FHIP2A: variants seen among roughly 807,000 people sequenced by gnomAD.
The protein encoded by FHIP2A is family with sequence similarity 160 member B1.
FHIP2A carries 46 observed loss-of-function variants against 93.5 expected under a neutral mutation model. That is an observed-to-expected ratio of 0.49 (90% CI 0.39 to 0.63). The LOEUF is 0.63. Among genes scored for constraint, FHIP2A ranks in the 20% least tolerant of loss-of-function variants. FHIP2A has a pLI of 0.00. For synonymous variants in FHIP2A, 332 were observed against 326.5 expected (o/e 1.02, Z -0.18); for missense variants, 769 against 909.7 (o/e 0.85, Z 1.99).
At chr10:114,892,403 C>G (rs992732685) in intron 16 of FHIP2A, among the ~76,000 whole-genome samples, 16 of 151,944 alleles carry the variant, frequency 1.1e-4, no homozygotes, top group African/African-American at 3.6e-4. Context: ...TCCCAGTGTT[C>G]GAGGTGGGTG....
chr10:114,865,593 C>T (rs2083824499), downstream of FHIP2A, among the ~76,000 whole-genome samples: 1 of 152,106 alleles, frequency 6.6e-6, no homozygotes, highest in Non-Finnish European at 1.5e-5. Context: ...AAATCACCCT[C>T]CTTGCCCTTC....
intron 13 of FHIP2A, among the ~76,000 whole-genome samples, chr10:114,849,127 CAAAAAAAAAA>C (rs34515682): frequency 2.6e-4 from 13 of 50,448 alleles, no homozygotes; most frequent in African/African-American, 9.5e-4. Context: ...GACTCCATCT[CAAAAAAAAAA>C]AAAAAAAAAA....
At chr10:114,880,192 C>A (rs938803645) in intron 16 of FHIP2A, among the ~76,000 whole-genome samples, 2 of 152,094 alleles carry the variant, frequency 1.3e-5, no homozygotes, top group African/African-American at 4.8e-5. Context: ...TTGGGCTTGC[C>A]TAAGGCTGGG....
chr10:114,832,896 T>C (rs2083615839), intron 2 of FHIP2A, among the ~76,000 whole-genome samples: 1 of 151,972 alleles, frequency 6.6e-6, no homozygotes, highest in African/African-American at 2.4e-5. Flanking sequence ...GTATTTTTAG[T>C]AGAGAGGAGG....
chr10:114,871,932 T>C (rs1437888850), intron 16 of FHIP2A, among the ~76,000 whole-genome samples: 1 of 152,178 alleles, frequency 6.6e-6, no homozygotes, highest in Non-Finnish European at 1.5e-5. Context: ...TTTTATTGAC[T>C]CAACTAAGAA....
chr10:114,845,975 A>T (rs761553333), intron 8 of FHIP2A, 38 bp from the exon 9 acceptor site: 1 of 1,486,052 alleles, frequency 6.7e-7, no homozygotes, highest in African/African-American at 1.4e-5. Flanking sequence ...TCTTTCTTTT[A>T]TATTAAAAAA....
chr10:114,864,231 T>C lies in FHIP2A; in HGVS notation c.*2691T>C. 1.0e-6 allele frequency: 1 copy of C among 984,066 alleles called. No individual in the cohort carries two copies. The highest frequency in any genetic ancestry group is 1.2e-6 in the Non-Finnish European group (1 of 828,268). The allele number at this position is 984,066 out of a possible 1,614,324, so 61.0% of individuals were successfully genotyped here. A position where few individuals can be genotyped will look rare whatever the true frequency, so the allele number is the denominator to read the frequency against. Reference sequence around the variant, plus strand: ...ATTATGGAATTACTTCATAAATTCATGGTAATGTTTTCATAAATTATTGCA... The same window carrying C: ...ATTATGGAATTACTTCATAAATTCACGGTAATGTTTTCATAAATTATTGCA... On this transcript the variant is annotated 3_prime_UTR_variant, in exon 17 of 17. Transcript: ENST00000369248.
intron 14 of FHIP2A, among the ~76,000 whole-genome samples, chr10:114,857,651 T>C (rs2083775097): frequency 1.3e-5 from 2 of 152,148 alleles, no homozygotes; most frequent in African/African-American, 4.8e-5. Flanking sequence ...TTTTTCTCTT[T>C]GCAGGGCATT....
chr10:114,822,552 A>G lies in FHIP2A; in HGVS notation c.45+429A>G, dbSNP rs1027419147. Reference sequence around the variant, plus strand: ...AAAGTGGTCAGCGTTGAGCAAGACAAAAGAAACGAGCAAGCACCGCTTGGG... The same window carrying G: ...AAAGTGGTCAGCGTTGAGCAAGACAGAAGAAACGAGCAAGCACCGCTTGGG... On this transcript the variant is annotated intron_variant, in intron 1 of 16. Transcript: ENST00000369248. 3.9e-5 allele frequency among the ~76,000 whole-genome samples: 6 copies of G among 152,222 alleles called. No homozygotes were observed. In the East Asian group the frequency reaches 7.7e-4, roughly 20 times the overall value.
chr10:114,846,467 T>G, intron 10 of FHIP2A, 92 bp from the exon 11 acceptor site: 1 of 1,440,020 alleles, frequency 6.9e-7, no homozygotes. Context: ...TTTTATTGGC[T>G]TTAGAAATTG....
At chr10:114,876,469 G>A (rs2083889829) in intron 16 of FHIP2A, among the ~76,000 whole-genome samples, 1 of 152,166 alleles carries the variant, frequency 6.6e-6, no homozygotes, top group South Asian at 2.1e-4. Flanking sequence ...CTGTAAAATG[G>A]GGATGGTACC....
chr10:114,847,149 A>C lies in FHIP2A; in HGVS notation c.1628A>C (p.Gln543Pro). The change falls in exon 12 of 17, where the codon CAA becomes CCA. Residue 543 changes from glutamine (Q) to proline (P), a missense_variant. Coordinates refer to ENST00000369248, the MANE Select transcript of FHIP2A (RefSeq NM_020940.4). The part of the protein sequence containing the change: ...DISPENTLPN[Q>P]EWLSSSPPAT... ...TCACCAGAAAACACTTTGCCAAACC[A>C]AGAGTGGCTTAGTTCTTCACCTCCT... The C allele has an allele frequency of 6.2e-7, 1 of 1,613,510 alleles. No homozygotes were observed. The highest frequency in any genetic ancestry group is 8.5e-7 in the Non-Finnish European group (1 of 1,179,522).
At chr10:114,892,276 T>G (rs2083978928) in intron 16 of FHIP2A, among the ~76,000 whole-genome samples, 1 of 152,224 alleles carries the variant, frequency 6.6e-6, no homozygotes, top group Admixed American at 6.5e-5. Context: ...GTCCAGCTTC[T>G]GTGAAATTAT....
At chr10:114,858,333 G>T (rs952455460) in intron 14 of FHIP2A, among the ~76,000 whole-genome samples, 2 of 152,154 alleles carry the variant, frequency 1.3e-5, no homozygotes, top group African/African-American at 4.8e-5. Context: ...GAAATAATCT[G>T]TGTCAGCCTT....
At chr10:114,871,355 C>T (rs1307233126) in intron 16 of FHIP2A, among the ~76,000 whole-genome samples, 4 of 151,994 alleles carry the variant, frequency 2.6e-5, no homozygotes, top group Non-Finnish European at 5.9e-5. Context: ...GAACCAGCCT[C>T]CTCTGGTCTC....
At chr10:114,898,612 T>C (rs1162364509) in intron 16 of FHIP2A, among the ~76,000 whole-genome samples, 1 of 152,198 alleles carries the variant, frequency 6.6e-6, no homozygotes, top group Non-Finnish European at 1.5e-5. Context: ...AGAGTTCTCT[T>C]TTATCTCCTC....
chr10:114,859,583 T>C (rs1300445204), intron 14 of FHIP2A, among the ~76,000 whole-genome samples: 1 of 152,204 alleles, frequency 6.6e-6, no homozygotes, highest in African/African-American at 2.4e-5. Context: ...ATCCGTTTCC[T>C]TTGGCTGCTT....
In FHIP2A at chr10:114,833,560, A is replaced by G. The variant is rs1339227561; in HGVS notation, c.294+158A>G. The G allele has an allele frequency of 4.7e-6, 3 of 645,046 alleles. No individual in the cohort carries two copies. In the African/African-American group the frequency reaches 5.6e-5, roughly 12 times the overall value. The allele number at this position is 645,046 out of a possible 1,614,324, so 40.0% of individuals were successfully genotyped here. On this transcript the variant is annotated intron_variant, in intron 3 of 16. Coordinates refer to ENST00000369248, the MANE Select transcript of FHIP2A (RefSeq NM_020940.4). ...AAAAAGAAAATTGTGTAGCCTATAC[A>G]AATATGTCCATAGAGATAGAAAGAT... is the stretch of plus-strand genomic sequence containing the variant.
chr10:114,838,223 C>G (rs990227480), intron 5 of FHIP2A, among the ~76,000 whole-genome samples: 1 of 152,108 alleles, frequency 6.6e-6, no homozygotes, highest in African/African-American at 2.4e-5. Flanking sequence ...TTAACCACTC[C>G]AATAGATGGG....
Sources: gnomAD v4.1 joint callset for allele counts (sites outside exome capture counted in the v4.1 genomes callset) on GRCh38, gnomAD v4.1.1 for gene constraint, MANE v1.5 for transcripts, NCBI Gene and HGNC (gene_info 2026-07-23, HGNC 2026-07-21) for gene names.